Variants in ACTR2 observed in about 807,000 individuals in gnomAD.
ACTR2 encodes the protein actin related protein 2.
Under a neutral mutation model 50.2 loss-of-function variants are expected in ACTR2, and 5 were observed. That is an observed-to-expected ratio of 0.10 (90% CI 0.05 to 0.21). The LOEUF is 0.21. ACTR2 is among the 10% of genes least tolerant of loss of function. The probability of loss-of-function intolerance (pLI) is 1.00; values close to 1 mark genes in which losing one functional copy is unlikely to be tolerated. For synonymous variants in ACTR2, 140 were observed against 162.9 expected (o/e 0.86, Z 1.07); for missense variants, 180 against 480.6 (o/e 0.37, Z 5.85).
Position 65,264,802 on chromosome 2 carries a change from A to G in ACTR2, c.882-241A>G, listed in dbSNP as rs142126095. On this transcript the variant is annotated intron_variant, in intron 7 of 8. Coordinates refer to ENST00000260641, the MANE Select transcript of ACTR2 (RefSeq NM_005722.4). ...TAGAAGTCTCAGTTATATTCACAAA[A>G]AAGTGTATTATATACTTTTAGAAGT... Among the ~76,000 whole-genome samples the G allele has an allele frequency of 2.6e-3, 402 of 152,346 alleles. 11 individuals carry two copies. The East Asian group carries it at 0.028, about 11-fold the overall frequency.
chr2:65,239,098 A>C (rs1671794205), intron 1 of ACTR2, among the ~76,000 whole-genome samples: 1 of 152,232 alleles, frequency 6.6e-6, no homozygotes, highest in Non-Finnish European at 1.5e-5. Flanking sequence ...AAAATGAATG[A>C]AAGTCTGCTT....
At chr2:65,252,611 C>G (rs1468855778) in intron 4 of ACTR2, among the ~76,000 whole-genome samples, 2 of 151,930 alleles carry the variant, frequency 1.3e-5, no homozygotes, top group Non-Finnish European at 2.9e-5. Context: ...TGCCATTGCA[C>G]TCCAGCCTGG....
At chr2:65,251,161 G>T (rs1220024595) in intron 4 of ACTR2, 62 bp downstream of exon 4, 3 of 1,244,668 alleles carry the variant, frequency 2.4e-6, no homozygotes, top group Non-Finnish European at 3.4e-6. Flanking sequence ...TATGTTTTAT[G>T]TCAGAGAATT....
At chr2:65,233,778 A>G (rs1398561594) in intron 1 of ACTR2, among the ~76,000 whole-genome samples, 2 of 151,772 alleles carry the variant, frequency 1.3e-5, no homozygotes, top group Non-Finnish European at 2.9e-5. Flanking sequence ...CGCCCAGCCA[A>G]TTTTGTACTT....
In ACTR2 at chr2:65,270,500, T is replaced by C. The variant is rs7246; in HGVS notation, c.*1766T>C. On this transcript the variant is annotated 3_prime_UTR_variant, in exon 9 of 9. Coordinates refer to ENST00000260641, the MANE Select transcript of ACTR2 (RefSeq NM_005722.4). ...AGAGTCACTTTGGAATAAGTTCTTA[T>C]ATAAATACCCCCAGCCTTTTGAGAA... 0.2 allele frequency: 30,344 copies of C among 152,504 alleles called. 3,383 individuals are homozygous for C. The highest frequency in any genetic ancestry group is 0.26 in the Middle Eastern group (75 of 294). The allele number at this position is 152,504 out of a possible 1,614,324, so 9.4% of individuals were successfully genotyped here.
chr2:65,233,599 T>A (rs768782340), intron 1 of ACTR2, among the ~76,000 whole-genome samples: 57 of 151,982 alleles, frequency 3.8e-4, no homozygotes, highest in Non-Finnish European at 7.4e-4. Context: ...TATAATTTTT[T>A]TTTTAATTAT....
At chr2:65,250,443 G>A (rs1261895523) in intron 3 of ACTR2, among the ~76,000 whole-genome samples, 1 of 151,946 alleles carries the variant, frequency 6.6e-6, no homozygotes, top group African/African-American at 2.4e-5. Context: ...GGGAGGCCGA[G>A]GTGGGTGGAT....
At position 65,261,318 on chromosome 2, in the gene ACTR2, C is replaced by T. The variant is rs1352931414; in HGVS notation, c.807C>T (p.His269=). The T allele has an allele frequency of 1.9e-6, 3 of 1,614,080 alleles. No individual in the cohort carries two copies. Among genetic ancestry groups the T allele is most frequent in the South Asian group, 2.2e-5 (2 of 91,086 alleles). The change falls in exon 7 of 9, where the codon CAC becomes CAT. Residue 269 remains histidine, a synonymous_variant. Transcript: ENST00000260641. ...CACCAGAAGCTTTATTTCAGCCTCACTTGATCAATGTTGAAGGAGTTGGTG... is the reference window on the plus strand; with the variant it reads ...CACCAGAAGCTTTATTTCAGCCTCATTTGATCAATGTTGAAGGAGTTGGTG... ...FEAPEALFQP[H]LINVEGVGVA...
intron 1 of ACTR2, among the ~76,000 whole-genome samples, chr2:65,234,985 GAT>G (rs1193784184): frequency 1.3e-5 from 2 of 152,126 alleles, no homozygotes; most frequent in Non-Finnish European, 2.9e-5. Context: ...CCATATTTGA[GAT>G]ATTTGTGTAA....
At chr2:65,238,619 A>G (rs1671782490) in intron 1 of ACTR2, among the ~76,000 whole-genome samples, 1 of 145,310 alleles carries the variant, frequency 6.9e-6, no homozygotes, top group Non-Finnish European at 1.5e-5. Flanking sequence ...GGATGGCGCC[A>G]CTGCACTCCA....
chr2:65,255,497 G>C (rs1197429199), intron 5 of ACTR2, 48 bp from the exon 6 acceptor site: 1 of 1,552,986 alleles, frequency 6.4e-7, no homozygotes, highest in Middle Eastern at 1.7e-4. Flanking sequence ...TTGCAGAGTA[G>C]AACTCATTCA....
At chr2:65,246,313 G>A (rs762053333) in intron 2 of ACTR2, 1 of 404,712 alleles carries the variant, frequency 2.5e-6, no homozygotes, top group Non-Finnish European at 4.4e-6. Flanking sequence ...TAAAGGTAAG[G>A]TCAATTTATT....
chr2:65,239,045 G>T (rs930513663), intron 1 of ACTR2, among the ~76,000 whole-genome samples: 3 of 152,224 alleles, frequency 2.0e-5, no homozygotes, highest in Non-Finnish European at 4.4e-5. Context: ...ATGACACTTG[G>T]TTTTCCCATT....
At chr2:65,267,514 A>T (rs1315678729) in intron 8 of ACTR2, among the ~76,000 whole-genome samples, 1 of 152,188 alleles carries the variant, frequency 6.6e-6, no homozygotes, top group Non-Finnish European at 1.5e-5. Flanking sequence ...TTTTTTGCAG[A>T]TCGTGATACT....
chr2:65,261,902 A>T (rs1672276803), intron 7 of ACTR2, among the ~76,000 whole-genome samples: 1 of 152,184 alleles, frequency 6.6e-6, no homozygotes, highest in South Asian at 2.1e-4. Flanking sequence ...AGTATTCGTT[A>T]CCTTTCCTCT....
intron 8 of ACTR2, 108 bp downstream of exon 8, chr2:65,265,283 T>A: frequency 8.0e-7 from 1 of 1,244,182 alleles, no homozygotes; most frequent in East Asian, 2.3e-5. Context: ...CAAAACAAAT[T>A]CCTACTGCAG....
Position 65,246,746 on chromosome 2 carries a change from T to G in ACTR2, c.375+7T>G, listed in dbSNP as rs762644637. The stretch of plus-strand genomic sequence containing the variant: ...CAGAGAGAAGATTGTAGAGGTGAGT[T>G]TTTATGCAGGATATGCATATGTGTA... On this transcript the variant is annotated splice_region_variant and intron_variant, in intron 3 of 8. Coordinates refer to ENST00000260641, the MANE Select transcript of ACTR2 (RefSeq NM_005722.4). The G allele has an allele frequency of 6.3e-7, 1 of 1,584,420 alleles. No individual in the cohort carries two copies. Among genetic ancestry groups the G allele is most frequent in the Non-Finnish European group, 8.6e-7 (1 of 1,159,254 alleles).
At position 65,251,059 on chromosome 2, in the gene ACTR2, A is replaced by G. The variant is rs1356995623; in HGVS notation, c.408A>G (p.Val136=). 2 of 1,609,166 alleles carry G rather than the reference A, an allele frequency of 1.2e-6. No homozygotes were observed. Among genetic ancestry groups the G allele is most frequent in the South Asian group, 1.1e-5 (1 of 90,070 alleles). Residue 136 remains valine (V), a synonymous_variant, in exon 4 of 9, where the codon GTA becomes GTG. Coordinates refer to ENST00000260641, the MANE Select transcript of ACTR2 (RefSeq NM_005722.4). Reference sequence around the variant, plus strand: ...TTGAAACTTACCAGTTTTCCGGTGTATATGTAGCCATCCAGGCAGTTCTGA... The same window carrying G: ...TTGAAACTTACCAGTTTTCCGGTGTGTATGTAGCCATCCAGGCAGTTCTGA... ...VMFETYQFSG[V]YVAIQAVLTL... is the part of the protein sequence containing the mutation.
chr2:65,246,763 A>G (rs762329231), intron 3 of ACTR2, 24 bp downstream of exon 3: 9 of 1,478,632 alleles, frequency 6.1e-6, no homozygotes, highest in South Asian at 3.6e-5. Flanking sequence ...CAGGATATGC[A>G]TATGTGTATT....
Sources: allele counts gnomAD v4.1 joint callset (sites outside exome capture counted in the v4.1 genomes callset), GRCh38; gene constraint gnomAD v4.1.1; transcripts MANE v1.5; gene names NCBI Gene and HGNC (gene_info 2026-07-23, HGNC 2026-07-21).